The following GABRA2 variants were observed in gnomAD, a reference collection of about 807,000 sequenced individuals.
The protein encoded by GABRA2 is gamma-aminobutyric acid type A receptor subunit alpha2.
GABRA2 carries 16 observed loss-of-function variants against 48.7 expected under a neutral mutation model. That is an observed-to-expected ratio of 0.33 (90% CI 0.22 to 0.50). The LOEUF is 0.50. Among genes scored for constraint, GABRA2 ranks in the 20% least tolerant of loss-of-function variants. The pLI, the probability that GABRA2 is intolerant of heterozygous loss-of-function variation, is 0.98. For synonymous variants in GABRA2, 185 were observed against 184.5 expected (o/e 1.00, Z -0.02); for missense variants, 275 against 535.6 (o/e 0.51, Z 4.80).
At chr4:46,315,394 T>C (rs1347830748) in intron 4 of GABRA2, among the ~76,000 whole-genome samples, 2 of 151,990 alleles carry the variant, frequency 1.3e-5, no homozygotes, top group Non-Finnish European at 2.9e-5. Flanking sequence ...TTATTATTTA[T>C]CTTTGAGGGC....
At chr4:46,265,869 T>A (rs1015904778) in intron 8 of GABRA2, among the ~76,000 whole-genome samples, 6 of 152,078 alleles carry the variant, frequency 3.9e-5, no homozygotes, top group Non-Finnish European at 8.8e-5. Flanking sequence ...ACATACGTTA[T>A]TTTTTGTTTC....
intron 3 of GABRA2, among the ~76,000 whole-genome samples, chr4:46,358,013 G>A (rs1736284231): frequency 6.6e-6 from 1 of 152,030 alleles, no homozygotes; most frequent in Non-Finnish European, 1.5e-5. Context: ...GTTAGTATGA[G>A]TATAAAACAT....
In GABRA2 at chr4:46,328,958, A is replaced by T. The variant is rs972758748; in HGVS notation, c.255+3657T>A. Among the ~76,000 whole-genome samples the T allele has an allele frequency of 3.9e-5, 6 of 152,186 alleles. No individual in the cohort carries two copies. The South Asian group carries it at 1.2e-3, about 32-fold the overall frequency. On this transcript the variant is annotated intron_variant, in intron 4 of 9. Coordinates refer to ENST00000381620, the MANE Select transcript of GABRA2 (RefSeq NM_000807.4). ...AAAATGTATATTTTTTTAATTGAGCACTATCTTCCCTAATAGACTTACAAT... is the reference window on the plus strand; with the variant it reads ...AAAATGTATATTTTTTTAATTGAGCTCTATCTTCCCTAATAGACTTACAAT...
chr4:46,288,874 A>T (rs548225956), intron 8 of GABRA2, among the ~76,000 whole-genome samples: 1 of 134,916 alleles, frequency 7.4e-6, no homozygotes, highest in South Asian at 2.2e-4. Flanking sequence ...ACAAGGAAAA[A>T]AAACAATGAA....
At chr4:46,320,560 T>G (rs1729280624) in intron 4 of GABRA2, among the ~76,000 whole-genome samples, 1 of 151,892 alleles carries the variant, frequency 6.6e-6, no homozygotes, top group Non-Finnish European at 1.5e-5. Flanking sequence ...ATATCCAAAA[T>G]ACATAAGGAA....
At chr4:46,382,772 G>A (rs1411118819) in intron 3 of GABRA2, among the ~76,000 whole-genome samples, 1 of 152,024 alleles carries the variant, frequency 6.6e-6, no homozygotes, top group Non-Finnish European at 1.5e-5. Flanking sequence ...TCTACAATAA[G>A]AGCTAGTAAT....
chr4:46,315,909 C>T (rs1276013882), intron 4 of GABRA2, among the ~76,000 whole-genome samples: 1 of 150,492 alleles, frequency 6.6e-6, no homozygotes, highest in African/African-American at 2.4e-5. Context: ...GTACACCCTT[C>T]CCATACATGT....
Position 46,245,435 on chromosome 4 carries a change from T to TTA in GABRA2, c.*4872_*4873insTA, listed in dbSNP as rs1553893186. On this transcript the variant is annotated 3_prime_UTR_variant, in exon 10 of 10. Coordinates refer to ENST00000381620, the MANE Select transcript of GABRA2 (RefSeq NM_000807.4). The stretch of plus-strand genomic sequence containing the variant: ...GATCATTTTGAATTTAATCTTTTTT[T>TTA]AAAAAAAAACTAGAAATACATTCGA... Among the ~76,000 whole-genome samples, 236 of 150,474 alleles carry TTA rather than the reference T, an allele frequency of 1.6e-3. No individual in the cohort carries two copies. The highest frequency in any genetic ancestry group is 5.4e-3 in the African/African-American group (222 of 41,256).
chr4:46,299,393 T>A (rs1725329481), intron 8 of GABRA2, among the ~76,000 whole-genome samples: 1 of 151,898 alleles, frequency 6.6e-6, no homozygotes, highest in African/African-American at 2.4e-5. Flanking sequence ...TCCCATCAAA[T>A]GTGGTCTGCA....
chr4:46,273,955 T>G (rs1404359964), intron 8 of GABRA2, among the ~76,000 whole-genome samples: 1 of 152,016 alleles, frequency 6.6e-6, no homozygotes, highest in Non-Finnish European at 1.5e-5. Context: ...CAACTAAGAT[T>G]TATTCATATT....
At chr4:46,388,493 A>T in intron 2 of GABRA2, 143 bp downstream of exon 2, 1 of 918,854 alleles carries the variant, frequency 1.1e-6, no homozygotes, top group Non-Finnish European at 1.7e-6. Flanking sequence ...ACAGTCTATT[A>T]CTTCATAGTT....
chr4:46,284,106 T>C (rs1462209646), intron 8 of GABRA2, among the ~76,000 whole-genome samples: 1 of 151,648 alleles, frequency 6.6e-6, no homozygotes, highest in Non-Finnish European at 1.5e-5. Flanking sequence ...CTCTGTTATA[T>C]ACTCAATATA....
chr4:46,342,680 C>T (rs1733471762), intron 3 of GABRA2, among the ~76,000 whole-genome samples: 1 of 152,014 alleles, frequency 6.6e-6, no homozygotes, highest in Non-Finnish European at 1.5e-5. Context: ...AAAGGTCTTA[C>T]TCTGGTGCGT....
intron 8 of GABRA2, among the ~76,000 whole-genome samples, chr4:46,295,007 C>T (rs2109563428): frequency 6.6e-6 from 1 of 152,308 alleles, no homozygotes; most frequent in South Asian, 2.1e-4. Context: ...GGTCTCCACT[C>T]CTGCTACCCT....
At chr4:46,330,674 AC>A (rs1433678949) in intron 4 of GABRA2, among the ~76,000 whole-genome samples, 1 of 151,486 alleles carries the variant, frequency 6.6e-6, no homozygotes, top group Non-Finnish European at 1.5e-5. Context: ...AGTAACTGCT[AC>A]TACTGAAATT....
intron 8 of GABRA2, among the ~76,000 whole-genome samples, chr4:46,297,393 C>T (rs566295948): frequency 1.3e-5 from 2 of 148,186 alleles, no homozygotes; most frequent in East Asian, 4.0e-4. Flanking sequence ...GGGACTCAGA[C>T]TGGCTCTCCT....
chr4:46,383,157 C>T (rs1214158347), intron 3 of GABRA2, among the ~76,000 whole-genome samples: 1 of 152,158 alleles, frequency 6.6e-6, no homozygotes, highest in Non-Finnish European at 1.5e-5. Context: ...TAACTGTCCA[C>T]TAAATGCCAG....
At chr4:46,301,079 A>G (rs970586392) in intron 8 of GABRA2, among the ~76,000 whole-genome samples, 2 of 152,104 alleles carry the variant, frequency 1.3e-5, no homozygotes, top group Admixed American at 1.3e-4. Flanking sequence ...CTAACAATGT[A>G]TTGTCTTCTT....
intron 3 of GABRA2, chr4:46,363,890 A>C (rs535627396): frequency 6.6e-6 from 1 of 152,306 alleles, no homozygotes; most frequent in Non-Finnish European, 1.5e-5. Flanking sequence ...GAAATAATTA[A>C]ACTTTTCCAT....
Sources: allele counts gnomAD v4.1 joint callset (sites outside exome capture counted in the v4.1 genomes callset), GRCh38; gene constraint gnomAD v4.1.1; transcripts MANE v1.5; gene names NCBI Gene and HGNC (gene_info 2026-07-23, HGNC 2026-07-21).